The following TMCC1 variants were observed in gnomAD, a reference collection of about 807,000 sequenced individuals.
TMCC1 encodes transmembrane and coiled-coil domains protein 1.
In TMCC1, 15 loss-of-function variants were observed where a neutral mutation model predicts 52.4. That is an observed-to-expected ratio of 0.29 (90% CI 0.19 to 0.44). The LOEUF (loss-of-function observed/expected upper bound fraction) is 0.44. Among genes scored for constraint, TMCC1 ranks in the 20% least tolerant of loss-of-function variants. The probability of loss-of-function intolerance (pLI) is 1.00; values close to 1 mark genes in which losing one functional copy is unlikely to be tolerated. For missense variants in TMCC1, 503 were observed against 806.0 expected (o/e 0.62, Z 4.55); for synonymous variants, 279 against 301.9 (o/e 0.92, Z 0.79).
intron 6 of TMCC1, among the ~76,000 whole-genome samples, chr3:129,653,342 G>T (rs1374509571): frequency 1.3e-5 from 2 of 152,174 alleles, no homozygotes; most frequent in Non-Finnish European, 2.9e-5. Context: ...AGTGGAAAGG[G>T]ATCTCTGATC....
At chr3:129,830,373 T>A (rs1344021071) in intron 3 of TMCC1, among the ~76,000 whole-genome samples, 1 of 152,210 alleles carries the variant, frequency 6.6e-6, no homozygotes, top group Non-Finnish European at 1.5e-5. Context: ...CATAATACAA[T>A]GTTACTCTGA....
chr3:129,738,651 CT>C (rs1450357297), intron 4 of TMCC1, among the ~76,000 whole-genome samples: 1 of 152,126 alleles, frequency 6.6e-6, no homozygotes, highest in African/African-American at 2.4e-5. Flanking sequence ...CAAGTGAACA[CT>C]TTTGAGTTTT....
intron 4 of TMCC1, among the ~76,000 whole-genome samples, chr3:129,754,632 A>G (rs553181441): frequency 2.0e-5 from 3 of 152,348 alleles, no homozygotes; most frequent in African/African-American, 7.2e-5. Flanking sequence ...CTTTTAAGCA[A>G]ATGGTGATGG....
chr3:129,871,948 T>A (rs1460284312), intron 2 of TMCC1, among the ~76,000 whole-genome samples: 1 of 152,220 alleles, frequency 6.6e-6, no homozygotes. Context: ...CCAAAATGTT[T>A]GATAACACAT....
chr3:129,790,767 C>A (rs1018050707), intron 4 of TMCC1, among the ~76,000 whole-genome samples: 5 of 152,136 alleles, frequency 3.3e-5, no homozygotes, highest in Non-Finnish European at 7.4e-5. Flanking sequence ...AAAGACAGTG[C>A]AATTTAAAGT....
At chr3:129,875,129 C>T (rs766204770) in intron 2 of TMCC1, among the ~76,000 whole-genome samples, 11 of 150,984 alleles carry the variant, frequency 7.3e-5, no homozygotes, top group South Asian at 4.2e-4. Context: ...CTAAGGTAGG[C>T]GGATCACTTG....
intron 5 of TMCC1, among the ~76,000 whole-genome samples, chr3:129,662,988 C>T (rs1270690382): frequency 6.6e-6 from 1 of 152,130 alleles, no homozygotes; most frequent in East Asian, 1.9e-4. Context: ...GGAAGCAAAA[C>T]CTGTTCTATC....
chr3:129,883,120 C>G (rs1050464638), intron 1 of TMCC1, among the ~76,000 whole-genome samples: 14 of 144,576 alleles, frequency 9.7e-5, no homozygotes, highest in Non-Finnish European at 1.6e-4. Flanking sequence ...GAAACCCTGC[C>G]TCTACTAAAA....
At chr3:129,854,360 C>G (rs1011045321) in intron 2 of TMCC1, among the ~76,000 whole-genome samples, 1 of 146,740 alleles carries the variant, frequency 6.8e-6, no homozygotes, top group East Asian at 2.0e-4. Context: ...CACACTTCAG[C>G]GTGGGCAACA....
chr3:129,768,905 T>C (rs1378910319), intron 4 of TMCC1, among the ~76,000 whole-genome samples: 1 of 152,206 alleles, frequency 6.6e-6, no homozygotes, highest in Non-Finnish European at 1.5e-5. Context: ...CAACAATGAC[T>C]AGGGTTAGGC....
intron 4 of TMCC1, among the ~76,000 whole-genome samples, chr3:129,778,910 C>A (rs994786522): frequency 6.6e-6 from 1 of 152,144 alleles, no homozygotes; most frequent in African/African-American, 2.4e-5. Flanking sequence ...CAGTCTCGGG[C>A]AGTTCTTTAT....
At chr3:129,840,232 T>C (rs1417230017) in intron 2 of TMCC1, among the ~76,000 whole-genome samples, 3 of 139,740 alleles carry the variant, frequency 2.1e-5, no homozygotes, top group Non-Finnish European at 4.5e-5. Flanking sequence ...GACATTGAGG[T>C]GGGAGGATTG....
intron 1 of TMCC1, among the ~76,000 whole-genome samples, chr3:129,890,413 C>G (rs73863904): frequency 0.015 from 2,356 of 152,294 alleles, 47 homozygotes; most frequent in African/African-American, 0.054. Flanking sequence ...TGTATGTGAG[C>G]CCAAAGAAGT....
chr3:129,815,226 A>T (rs1447300639), intron 4 of TMCC1, among the ~76,000 whole-genome samples: 1 of 152,122 alleles, frequency 6.6e-6, no homozygotes, highest in Non-Finnish European at 1.5e-5. Flanking sequence ...AGCTAGAAAT[A>T]AGTAACATTC....
chr3:129,826,984 G>GA lies in TMCC1; in HGVS notation c.576+818dup, dbSNP rs374367765. Among the ~76,000 whole-genome samples the GA allele has an allele frequency of 7.2e-5, 11 of 152,154 alleles. No homozygotes were observed. In the East Asian group the frequency reaches 1.9e-3, roughly 27 times the overall value. On this transcript the variant is annotated intron_variant, in intron 4 of 6. Transcript: ENST00000393238. Reference sequence around the variant, plus strand: ...CCCATCTAGATTTCCAGTTTCTCTTGAAAAAAATCAGAAGCTCTGGCAAGA... The same window carrying GA: ...CCCATCTAGATTTCCAGTTTCTCTTGAAAAAAAATCAGAAGCTCTGGCAAGA...
In TMCC1 at chr3:129,648,350, C is replaced by T. The variant is rs1014191005; in HGVS notation, c.*3131G>A. On this transcript the variant is annotated 3_prime_UTR_variant, in exon 7 of 7. Coordinates refer to ENST00000393238, the MANE Select transcript of TMCC1 (RefSeq NM_001017395.5). ...TTGGACATGGCTAGTGAGGAAGGCTCGCTCCCAATATTTGTCTTGGCATCA... is the reference window on the plus strand; with the variant it reads ...TTGGACATGGCTAGTGAGGAAGGCTTGCTCCCAATATTTGTCTTGGCATCA... 4 of 152,144 alleles carry T rather than the reference C, an allele frequency of 2.6e-5. No individual in the cohort carries two copies. The highest frequency in any genetic ancestry group is 4.4e-5 in the Non-Finnish European group (3 of 68,028). The allele number at this position is 152,144 out of a possible 1,614,324, so 9.4% of individuals were successfully genotyped here. A position where few individuals can be genotyped will look rare whatever the true frequency, so the allele number is the denominator to read the frequency against.
rs1166088547 is a variant in TMCC1, at chr3:129,809,305, G to A, written c.576+18498C>T. 2.7e-5 allele frequency among the ~76,000 whole-genome samples: 4 copies of A among 149,344 alleles called. No individual in the cohort carries two copies. In the East Asian group the frequency reaches 7.8e-4, roughly 29 times the overall value. ...ATATTAAATAAATCTACAGAAAGTT[G>A]TTCACAAAAAATAACATTTAAAATA... On this transcript the variant is annotated intron_variant, in intron 4 of 6. Transcript: ENST00000393238.
At chr3:129,868,309 C>G (rs189226141) in intron 2 of TMCC1, among the ~76,000 whole-genome samples, 1 of 152,158 alleles carries the variant, frequency 6.6e-6, no homozygotes, top group Non-Finnish European at 1.5e-5. Flanking sequence ...GAACATTATT[C>G]CTGGCAGAAA....
chr3:129,681,900 C>T (rs988385404), intron 4 of TMCC1, among the ~76,000 whole-genome samples: 7 of 139,712 alleles, frequency 5.0e-5, no homozygotes, highest in African/African-American at 1.6e-4. Flanking sequence ...AGTGAGACTT[C>T]GTCTCAAAAA....
Sources: gnomAD v4.1 joint callset for allele counts (sites outside exome capture counted in the v4.1 genomes callset) on GRCh38, gnomAD v4.1.1 for gene constraint, MANE v1.5 for transcripts, NCBI Gene and HGNC (gene_info 2026-07-23, HGNC 2026-07-21) for gene names.